The following TEAD1 variants were observed in gnomAD, a reference collection of about 807,000 sequenced individuals.
TEAD1 encodes the protein TEA domain transcription factor 1, also known as transcriptional enhancer factor TEF-1.
A neutral mutation model predicts 54.9 loss-of-function variants in TEAD1; 9 were observed. That is an observed-to-expected ratio of 0.16 (90% CI 0.10 to 0.29). The LOEUF (loss-of-function observed/expected upper bound fraction) is 0.29, where lower values mean the gene tolerates loss of function less well. Among genes scored for constraint, TEAD1 ranks in the 10% least tolerant of loss-of-function variants. TEAD1 has a pLI of 1.00. For synonymous variants in TEAD1, 200 were observed against 187.8 expected (o/e 1.07, Z -0.53); for missense variants, 387 against 535.9 (o/e 0.72, Z 2.74).
intron 10 of TEAD1, among the ~76,000 whole-genome samples, chr11:12,920,063 T>G (rs557148923): frequency 2.6e-5 from 4 of 152,334 alleles, no homozygotes; most frequent in African/African-American, 9.6e-5. Flanking sequence ...TTTCCATTCC[T>G]TCATTCTCTG....
intron 2 of TEAD1, among the ~76,000 whole-genome samples, chr11:12,692,158 G>A (rs986277107): frequency 6.6e-6 from 1 of 152,056 alleles, no homozygotes; most frequent in East Asian, 1.9e-4. Context: ...TATAATTTCT[G>A]TCTTTGCTTC....
At chr11:12,923,393 C>T (rs1021492162) in intron 10 of TEAD1, among the ~76,000 whole-genome samples, 1 of 152,136 alleles carries the variant, frequency 6.6e-6, no homozygotes, top group Non-Finnish European at 1.5e-5. Context: ...GGGGCCCACT[C>T]CTCACCGTTT....
At chr11:12,807,427 C>T (rs1424434114) in intron 3 of TEAD1, among the ~76,000 whole-genome samples, 1 of 152,146 alleles carries the variant, frequency 6.6e-6, no homozygotes, top group Non-Finnish European at 1.5e-5. Flanking sequence ...CACAGTCCTG[C>T]TTTTTGCTCC....
intron 3 of TEAD1, among the ~76,000 whole-genome samples, chr11:12,861,329 G>T (rs1257860627): frequency 6.6e-6 from 1 of 152,096 alleles, no homozygotes; most frequent in Admixed American, 6.5e-5. Context: ...GAAGGTTTTT[G>T]TTTATACTTT....
intron 12 of TEAD1, among the ~76,000 whole-genome samples, chr11:12,936,384 T>G (rs1380536559): frequency 6.6e-6 from 1 of 152,212 alleles, no homozygotes; most frequent in East Asian, 1.9e-4. Context: ...AAGAATGTCA[T>G]TCCACAGGAT....
chr11:12,904,986 C>A, intron 10 of TEAD1: 1 of 172,694 alleles, frequency 5.8e-6, no homozygotes, highest in Non-Finnish European at 1.3e-5. Flanking sequence ...GTCCTGTGAT[C>A]AAAAAGTTTG....
intron 3 of TEAD1, among the ~76,000 whole-genome samples, chr11:12,798,862 G>A (rs1337610109): frequency 1.3e-5 from 2 of 152,238 alleles, no homozygotes; most frequent in African/African-American, 4.8e-5. Context: ...CATGAGGGAA[G>A]CAGTGCTGTT....
chr11:12,830,222 C>G (rs1946743839), intron 3 of TEAD1, among the ~76,000 whole-genome samples: 1 of 152,084 alleles, frequency 6.6e-6, no homozygotes, highest in Admixed American at 6.5e-5. Context: ...GGGGAGTGGG[C>G]AAGACCATGC....
chr11:12,897,883 TG>T (rs1422727952), intron 9 of TEAD1, among the ~76,000 whole-genome samples: 2 of 152,178 alleles, frequency 1.3e-5, no homozygotes, highest in Admixed American at 6.5e-5. Context: ...CATTTTCTTT[TG>T]GGGGACAGTG....
intron 12 of TEAD1, among the ~76,000 whole-genome samples, chr11:12,936,029 G>A (rs1949093795): frequency 6.6e-6 from 1 of 152,166 alleles, no homozygotes; most frequent in Non-Finnish European, 1.5e-5. Context: ...TACTTAGAGG[G>A]AAATTAGGCC....
chr11:12,944,514 G>A lies in TEAD1; in HGVS notation c.*7292G>A, dbSNP rs1311081837. The stretch of plus-strand genomic sequence containing the variant: ...AAAAAAAATGTATTCTAGCTTTTGC[G>A]GTACATATGTGTGATAACTTTAATA... On this transcript the variant is annotated 3_prime_UTR_variant, in exon 13 of 13. Coordinates refer to ENST00000527636, the MANE Select transcript of TEAD1 (RefSeq NM_021961.6). 2.6e-5 allele frequency: 4 copies of A among 151,794 alleles called. No homozygotes were observed. Among genetic ancestry groups the A allele is most frequent in the Non-Finnish European group, 4.4e-5 (3 of 67,920 alleles). The allele number at this position is 151,794 out of a possible 1,614,324, so 9.4% of individuals were successfully genotyped here.
intron 3 of TEAD1, among the ~76,000 whole-genome samples, chr11:12,812,855 GAGATTTCT>G (rs1306358143): frequency 6.6e-6 from 1 of 152,176 alleles, no homozygotes; most frequent in African/African-American, 2.4e-5. Context: ...TGCAGCCAGT[GAGATTTCT>G]AATACAGCAA....
chr11:12,681,583 A>T (rs553865761), intron 2 of TEAD1, among the ~76,000 whole-genome samples: 1 of 152,288 alleles, frequency 6.6e-6, no homozygotes, highest in East Asian at 1.9e-4. Flanking sequence ...TGGTAGGGGA[A>T]CTCTTGCCTC....
At chr11:12,855,325 C>T (rs1386916113) in intron 3 of TEAD1, among the ~76,000 whole-genome samples, 2 of 151,850 alleles carry the variant, frequency 1.3e-5, no homozygotes, top group Non-Finnish European at 2.9e-5. Context: ...GAGTCTCGCT[C>T]TGTCATCAGG....
chr11:12,708,153 T>C (rs867200834), intron 2 of TEAD1, among the ~76,000 whole-genome samples: 1 of 149,336 alleles, frequency 6.7e-6, no homozygotes, highest in African/African-American at 2.5e-5. Flanking sequence ...GGTGGAAGAA[T>C]TGGGTCTTGT....
intron 3 of TEAD1, among the ~76,000 whole-genome samples, chr11:12,790,791 A>G (rs578219733): frequency 4.0e-4 from 61 of 152,356 alleles, no homozygotes; most frequent in Non-Finnish European, 4.4e-4. Flanking sequence ...CATTAGGGAA[A>G]TGCAAATTAA....
intron 3 of TEAD1, among the ~76,000 whole-genome samples, chr11:12,833,524 T>G (rs1946824287): frequency 6.6e-6 from 1 of 152,066 alleles, no homozygotes; most frequent in South Asian, 2.1e-4. Context: ...AGTGACCCAA[T>G]AGACTGGGCA....
At chr11:12,809,072 A>G (rs1946236252) in intron 3 of TEAD1, among the ~76,000 whole-genome samples, 1 of 152,238 alleles carries the variant, frequency 6.6e-6, no homozygotes, top group Non-Finnish European at 1.5e-5. Flanking sequence ...CTTACTGAAT[A>G]TGGCACAAGC....
intron 10 of TEAD1, among the ~76,000 whole-genome samples, chr11:12,913,529 A>C (rs1257496631): frequency 6.6e-6 from 1 of 152,116 alleles, no homozygotes; most frequent in Non-Finnish European, 1.5e-5. Context: ...CCCTACCTAA[A>C]GTGTCTTGGA....
Sources: gnomAD v4.1 joint callset for allele counts (sites outside exome capture counted in the v4.1 genomes callset) on GRCh38, gnomAD v4.1.1 for gene constraint, MANE v1.5 for transcripts, NCBI Gene and HGNC (gene_info 2026-07-23, HGNC 2026-07-21) for gene names.